The following GPR162 variants were observed in gnomAD, a reference collection of about 807,000 sequenced individuals.
GPR162 encodes the protein G protein-coupled receptor 162, also known as probable G protein-coupled receptor 162.
Under a neutral mutation model 44.9 loss-of-function variants are expected in GPR162, and 26 were observed. The observed-to-expected ratio is 0.58, with a 90% CI of 0.42 to 0.80. The LOEUF (loss-of-function observed/expected upper bound fraction) is 0.80, where lower values mean the gene tolerates loss of function less well. Among genes scored for constraint, GPR162 ranks in the 30% least tolerant of loss-of-function variants. The pLI is 0.00. For synonymous variants in GPR162, 363 were observed against 335.2 expected, an observed-to-expected ratio of 1.08 and a Z score of -0.91; for missense variants, 704 against 802.3, an observed-to-expected ratio of 0.88 and a Z score of 1.48.
In GPR162 at chr12:6,826,801, A is replaced by G. The variant is rs200776021; in HGVS notation, c.1364A>G (p.Tyr455Cys). The G allele has an allele frequency of 3.8e-3, 6,082 of 1,610,124 alleles. 251 individuals are homozygous for G. In the South Asian group the frequency reaches 0.061, roughly 16 times the overall value. The stretch of plus-strand genomic sequence containing the variant: ...CGGGCCCTCGGGGGTCCTCCTGAGT[A>G]CCTGGGACAAAGACACAGGTTGGAG... ...QSRALGGPPE[Y>C]LGQRHRLEDE... Residue 455 changes from tyrosine (Y) to cysteine (C), a missense_variant, in exon 5 of 5, where the codon TAC becomes TGC. Transcript: ENST00000311268.
chr12:6,826,165 C>G (rs782402453), intron 3 of GPR162, 31 bp from the exon 4 acceptor site: 2 of 1,599,710 alleles, frequency 1.3e-6, no homozygotes, highest in South Asian at 2.2e-5. Flanking sequence ...CATTCCCTAC[C>G]TGTAACCACT....
In GPR162 at chr12:6,826,817, C is replaced by G. The variant is rs1555120241; in HGVS notation, c.1380C>G (p.His460Gln). 28 of 1,609,918 alleles carry G rather than the reference C, an allele frequency of 1.7e-5. No individual in the cohort carries two copies. The highest frequency in any genetic ancestry group is 2.4e-5 in the Non-Finnish European group (28 of 1,177,984). Reference protein sequence around the residue: ...GGPPEYLGQRHRLEDEEDEEE... With the variant: ...GGPPEYLGQRQRLEDEEDEEE... ...CTCCTGAGTACCTGGGACAAAGACA[C>G]AGGTTGGAGGACGAGGAGGACGAGG... Residue 460 changes from histidine to glutamine, a missense_variant, in exon 5 of 5, where the codon CAC becomes CAG. Coordinates refer to ENST00000311268, the MANE Select transcript of GPR162 (RefSeq NM_019858.2).
Position 6,827,025 on chromosome 12 carries a change from C to A in GPR162, c.1588C>A (p.Pro530Thr). ...SPGHSPRRPR[P>T]LGLSPRRLSL... ...AGGGCACTCTCCTCGTCGGCCCCGG[C>A]CACTGGGCCTCTCACCCCGCCGACT... Residue 530 changes from proline to threonine, a missense_variant, in exon 5 of 5, where the codon CCA becomes ACA. Pro to Thr is a conservative substitution (Grantham distance 38). Around this residue, in one of 6 missense-constraint regions of GPR162, gnomAD observed 404 missense variants for 314.1 expected, o/e 1.29. Coordinates refer to ENST00000311268, the MANE Select transcript of GPR162 (RefSeq NM_019858.2). The A allele has an allele frequency of 6.2e-7, 1 of 1,613,388 alleles. No individual in the cohort carries two copies. The highest frequency in any genetic ancestry group is 1.1e-5 in the South Asian group (1 of 91,086).
In GPR162 at chr12:6,823,740, C is replaced by T. The variant is rs1555119506; in HGVS notation, c.-159C>T. 1 of 1,612,252 alleles carries T rather than the reference C, an allele frequency of 6.2e-7. No homozygotes were observed. The highest frequency in any genetic ancestry group is 1.7e-5 in the Admixed American group (1 of 59,872). Reference sequence around the variant, plus strand: ...CTCTACATCTGCCCTCAGCTGGGTCCATCATGCAATGCTGAGCACTGGGGT... The same window carrying T: ...CTCTACATCTGCCCTCAGCTGGGTCTATCATGCAATGCTGAGCACTGGGGT... On this transcript the variant is annotated 5_prime_UTR_variant, in exon 2 of 5. Coordinates refer to ENST00000311268, the MANE Select transcript of GPR162 (RefSeq NM_019858.2).
At position 6,826,942 on chromosome 12, in the gene GPR162, G is replaced by GGGAGGAGATCACCACCTTCAT. The variant is rs782542925; in HGVS notation, c.1506_1526dup (p.Phe508_Ile509insMetGluGluIleThrThrPhe). Reference sequence around the variant, plus strand: ...CCCCCACGGGGTCCTGGCTTCTTCCGGGAGGAGATCACCACCTTCATCGAT... The same window carrying GGGAGGAGATCACCACCTTCAT: ...CCCCCACGGGGTCCTGGCTTCTTCCGGGAGGAGATCACCACCTTCATGGAGGAGATCACCACCTTCATCGAT... On this transcript the variant is annotated inframe_insertion, in exon 5 of 5. Transcript: ENST00000311268. 9.9e-6 allele frequency: 16 copies of GGGAGGAGATCACCACCTTCAT among 1,613,358 alleles called. No homozygotes were observed. Among genetic ancestry groups the GGGAGGAGATCACCACCTTCAT allele is most frequent in the Non-Finnish European group, 1.4e-5 (16 of 1,179,994 alleles).
rs1555119892 is a variant in GPR162, at chr12:6,825,610, G to A, written c.994G>A (p.Ala332Thr). ...SFIWSCERYR[A>T]DVRTVWEQCV... ...CATCTGGTCCTGCGAGCGCTACCGC[G>A]CCGACGTGCGCACAGTGTGGGAGCA... The change falls in exon 3 of 5, where the codon GCC becomes ACC. Residue 332 changes from alanine to threonine, a missense_variant. Transcript: ENST00000311268. 2 of 1,593,282 alleles carry A rather than the reference G, an allele frequency of 1.3e-6. No homozygotes were observed. Among genetic ancestry groups the A allele is most frequent in the Non-Finnish European group, 1.7e-6 (2 of 1,169,976 alleles).
At position 6,826,303 on chromosome 12, in the gene GPR162, C is replaced by G. The variant is rs782502331; in HGVS notation, c.1165C>G (p.Pro389Ala). The G allele has an allele frequency of 1.9e-5, 30 of 1,613,734 alleles. No homozygotes were observed. The highest frequency in any genetic ancestry group is 2.5e-5 in the Non-Finnish European group (29 of 1,179,944). ...GGACCCCGCCCAGGTGAAGCTGCTG[C>G]CTGGAAGGCACATGCTCTTCCCTCC... ...SRDPAQVKLL[P>A]GRHMLFPPLE... is the part of the protein sequence containing the mutation. The change falls in exon 4 of 5, where the codon CCT becomes GCT. Residue 389 changes from proline to alanine, a missense_variant. Pro to Ala is a conservative substitution (Grantham distance 27). Coordinates refer to ENST00000311268, the MANE Select transcript of GPR162 (RefSeq NM_019858.2).
At position 6,823,963 on chromosome 12, in the gene GPR162, C is replaced by A; in HGVS notation, c.65C>A (p.Ala22Asp). The stretch of plus-strand genomic sequence containing the variant: ...CGCTCCAACGCATTGTCCTGGCTGG[C>A]CTGTGGGCTCCTGGCGCTGCTGGCC... ...SLRSNALSWL[A>D]CGLLALLANA... The change falls in exon 2 of 5, where the codon GCC (alanine) becomes GAC (aspartate). Residue 22 changes from alanine to aspartate, a missense_variant. Physicochemically the swap from Ala to Asp is moderately radical, Grantham distance 126. Around this residue, in one of 6 missense-constraint regions of GPR162, gnomAD observed 30 missense variants for 31.8 expected, o/e 0.94. Coordinates refer to ENST00000311268, the MANE Select transcript of GPR162 (RefSeq NM_019858.2). 2.5e-6 allele frequency: 4 copies of A among 1,597,874 alleles called. No homozygotes were observed. The highest frequency in any genetic ancestry group is 3.4e-6 in the Non-Finnish European group (4 of 1,175,096).
At chr12:6,826,375 C>A in intron 4 of GPR162, 22 bp downstream of exon 4, 1 of 1,592,632 alleles carries the variant, frequency 6.3e-7, no homozygotes, top group South Asian at 1.1e-5. Context: ...GGGGATACAT[C>A]TCCTACCCTT....
rs552567389 is a variant in GPR162 at position 6,826,905 on chromosome 12, T to C, written c.1468T>C (p.Ser490Pro). 1 of 1,612,870 alleles carries C rather than the reference T, an allele frequency of 6.2e-7. No homozygotes were observed. Among genetic ancestry groups the C allele is most frequent in the Non-Finnish European group, 8.5e-7 (1 of 1,179,832 alleles). The change falls in exon 5 of 5, where the codon TCA becomes CCA. Residue 490 changes from serine to proline, a missense_variant. Ser to Pro is a moderately conservative substitution (Grantham distance 74). Coordinates refer to ENST00000311268, the MANE Select transcript of GPR162 (RefSeq NM_019858.2). Reference sequence around the variant, plus strand: ...ATTCTTGGAGAGTGGGGTTCTGGGGTCAGGTGGGGGACCCCCACGGGGTCC... The same window carrying C: ...ATTCTTGGAGAGTGGGGTTCTGGGGCCAGGTGGGGGACCCCCACGGGGTCC... ...RQFLESGVLG[S>P]GGGPPRGPGF... is the part of the protein sequence containing the mutation.
At chr12:6,826,087 T>A (rs112024539) in intron 3 of GPR162, 109 bp from the exon 4 acceptor site, 1 of 805,028 alleles carries the variant, frequency 1.2e-6, no homozygotes, top group Non-Finnish European at 2.0e-6. Flanking sequence ...TCTTGGAACA[T>A]ACATGCTAAT....
At position 6,826,755 on chromosome 12, in the gene GPR162, C is replaced by T. The variant is rs781988790; in HGVS notation, c.1318C>T (p.Arg440Trp). The change falls in exon 5 of 5, where the codon CGG (arginine) becomes TGG (tryptophan). Residue 440 changes from arginine (R) to tryptophan (W), a missense_variant. This residue lies in a region of GPR162 where 404 missense variants were observed against 314.1 expected (regional missense o/e 1.29). Coordinates refer to ENST00000311268, the MANE Select transcript of GPR162 (RefSeq NM_019858.2). Reference protein sequence around the residue: ...LHKWSSSDDIRVLPAQSRALG... With the variant: ...LHKWSSSDDIWVLPAQSRALG... ...CAAGTGGTCATCCTCTGATGACATCCGGGTCCTCCCAGCCCAGAGCCGGGC... is the reference window on the plus strand; with the variant it reads ...CAAGTGGTCATCCTCTGATGACATCTGGGTCCTCCCAGCCCAGAGCCGGGC... 18 of 1,604,688 alleles carry T rather than the reference C, an allele frequency of 1.1e-5. No homozygotes were observed. Among genetic ancestry groups the T allele is most frequent in the Non-Finnish European group, 1.4e-5 (16 of 1,175,766 alleles).
Position 6,827,288 on chromosome 12 carries a change from A to C in GPR162, c.*84A>C. On this transcript the variant is annotated 3_prime_UTR_variant, in exon 5 of 5. Coordinates refer to ENST00000311268, the MANE Select transcript of GPR162 (RefSeq NM_019858.2). ...GGCCGAGAGTAGGGCAGCTGCCTCC[A>C]GACTCTGGGGAGACGGGCGCTAGAT... The C allele has an allele frequency of 1.7e-6, 2 of 1,170,464 alleles. No individual in the cohort carries two copies. The highest frequency in any genetic ancestry group is 2.4e-6 in the Non-Finnish European group (2 of 840,408). The allele number at this position is 1,170,464 out of a possible 1,614,324, so 72.5% of individuals were successfully genotyped here.
chr12:6,823,512 C>A lies in GPR162; in HGVS notation c.-387C>A. ...CCCACCCCCAAATCCCTGGGGCATC[C>A]AGAAGATTCCTGACTGGTCAAGAAC... On this transcript the variant is annotated 5_prime_UTR_variant, in exon 2 of 5. Coordinates refer to ENST00000311268, the MANE Select transcript of GPR162 (RefSeq NM_019858.2). 1 of 482,476 alleles carries A rather than the reference C, an allele frequency of 2.1e-6. No individual in the cohort carries two copies. The highest frequency in any genetic ancestry group is 3.7e-6 in the Non-Finnish European group (1 of 271,914). The allele number at this position is 482,476 out of a possible 1,614,324, so 29.9% of individuals were successfully genotyped here. A position where few individuals can be genotyped will look rare whatever the true frequency, so the allele number is the denominator to read the frequency against.
intron 2 of GPR162, chr12:6,825,022 T>C (rs1943335064): frequency 3.0e-6 from 2 of 670,402 alleles, no homozygotes; most frequent in Admixed American, 4.1e-5. Flanking sequence ...ATCACCGTCC[T>C]TCAGTTCCAC....
At chr12:6,825,918 C>T (rs1943347900) in intron 3 of GPR162, among the ~76,000 whole-genome samples, 1 of 152,188 alleles carries the variant, frequency 6.6e-6, no homozygotes, top group South Asian at 2.1e-4. Context: ...AGCTCTGGCA[C>T]TATGGGGAAC....
rs781878663 is a variant in GPR162, at chr12:6,824,255, G to A, written c.357G>A (p.Val119=). ...ASLSYHRMWM[V]RWPVNYRLSN... ...TCTCCTACCATCGCATGTGGATGGT[G>A]CGCTGGCCCGTCAACTACCGCCTCA... is the stretch of plus-strand genomic sequence containing the variant. The change falls in exon 2 of 5, where the codon GTG becomes GTA. Residue 119 remains valine, a synonymous_variant. Coordinates refer to ENST00000311268, the MANE Select transcript of GPR162 (RefSeq NM_019858.2). 200 of 1,613,928 alleles carry A rather than the reference G, an allele frequency of 1.2e-4. No individual in the cohort carries two copies. The highest frequency in any genetic ancestry group is 1.6e-4 in the Non-Finnish European group (193 of 1,180,052).
rs1555119676 is a variant in GPR162, at chr12:6,824,507, C to T, written c.609C>T (p.Tyr203=). The change falls in exon 2 of 5, where the codon TAC becomes TAT. Residue 203 remains tyrosine (Y), a synonymous_variant. Transcript: ENST00000311268. ...MGLVCVAITF[Y]QTLWARPRRA... is the part of the protein sequence containing the mutation. ...TGGTCTGTGTGGCCATCACCTTCTA[C>T]CAGACACTGTGGGCCCGGCCCCGGA... The T allele has an allele frequency of 1.2e-6, 2 of 1,613,042 alleles. No individual in the cohort carries two copies. Among genetic ancestry groups the T allele is most frequent in the Admixed American group, 1.7e-5 (1 of 59,946 alleles).
intron 2 of GPR162, 188 bp from the exon 3 acceptor site, chr12:6,825,296 C>T: frequency 1.7e-6 from 1 of 600,492 alleles, no homozygotes; most frequent in Non-Finnish European, 3.0e-6. Context: ...CCAGCACTCT[C>T]CCCGACCTTC....
Sources: allele counts gnomAD v4.1 joint callset (sites outside exome capture counted in the v4.1 genomes callset), GRCh38; gene constraint gnomAD v4.1.1; regional missense constraint gnomAD v4.1.1; transcripts MANE v1.5; gene names NCBI Gene and HGNC (gene_info 2026-07-23, HGNC 2026-07-21).